KCNH1: variants seen among roughly 807,000 people sequenced by gnomAD.
The protein encoded by KCNH1 is voltage-gated delayed rectifier potassium channel KCNH1.
In KCNH1, 27 loss-of-function variants were observed where a neutral mutation model predicts 69.2. The observed-to-expected ratio is 0.39, with a 90% confidence interval of 0.29 to 0.54. The LOEUF (loss-of-function observed/expected upper bound fraction) is 0.54. KCNH1 is among the 20% of genes least tolerant of loss of function. KCNH1 has a pLI of 0.68. For synonymous variants in KCNH1, 456 were observed against 487.7 expected, an observed-to-expected ratio of 0.93 and a Z score of 0.86; for missense variants, 798 against 1,261.6, an observed-to-expected ratio of 0.63 and a Z score of 5.57.
chr1:211,078,635 T>G (rs1172173162), intron 5 of KCNH1, among the ~76,000 whole-genome samples: 30 of 152,050 alleles, frequency 2.0e-4, no homozygotes, highest in Non-Finnish European at 8.8e-5. Context: ...AGAGGGAAAT[T>G]TATAGCACTA....
chr1:210,708,512 A>C (rs1185100890), intron 10 of KCNH1, among the ~76,000 whole-genome samples: 2 of 152,248 alleles, frequency 1.3e-5, no homozygotes, highest in East Asian at 3.9e-4. Flanking sequence ...AACAGATTTT[A>C]TAGTCATAGT....
At chr1:211,044,829 T>A (rs1294056548) in intron 5 of KCNH1, among the ~76,000 whole-genome samples, 1 of 151,912 alleles carries the variant, frequency 6.6e-6, no homozygotes, top group African/African-American at 2.4e-5. Context: ...ACAACCACCA[T>A]GGAAAACAGT....
chr1:210,692,555 C>T (rs2149005926), intron 10 of KCNH1, among the ~76,000 whole-genome samples: 1 of 152,232 alleles, frequency 6.6e-6, no homozygotes, highest in East Asian at 1.9e-4. Flanking sequence ...AGAAGGTGGC[C>T]TTATTTGGAA....
chr1:210,800,150 A>G (rs1292187063), intron 8 of KCNH1, among the ~76,000 whole-genome samples: 1 of 152,222 alleles, frequency 6.6e-6, no homozygotes, highest in East Asian at 1.9e-4. Flanking sequence ...CCATCAAGCG[A>G]GCATGCCCTC....
intron 10 of KCNH1, among the ~76,000 whole-genome samples, chr1:210,731,101 T>C (rs1682738231): frequency 6.6e-6 from 1 of 152,246 alleles, no homozygotes; most frequent in Non-Finnish European, 1.5e-5. Flanking sequence ...CTCCCCACTC[T>C]GTTATTTCCT....
intron 1 of KCNH1, among the ~76,000 whole-genome samples, chr1:211,119,903 G>A (rs907270841): frequency 2.6e-5 from 4 of 152,018 alleles, no homozygotes; most frequent in African/African-American, 4.8e-5. Flanking sequence ...TCATTTACTG[G>A]GTAGTTACCC....
At chr1:210,794,926 A>G (rs1684277981) in intron 9 of KCNH1, among the ~76,000 whole-genome samples, 1 of 152,176 alleles carries the variant, frequency 6.6e-6, no homozygotes, top group Non-Finnish European at 1.5e-5. Context: ...ATGCTCTTTC[A>G]TATCAGATAT....
intron 1 of KCNH1, among the ~76,000 whole-genome samples, chr1:211,118,389 C>T (rs1161519433): frequency 1.3e-5 from 2 of 152,200 alleles, no homozygotes; most frequent in Non-Finnish European, 2.9e-5. Flanking sequence ...TTCAACCTGG[C>T]TGCCCTTGCC....
chr1:210,916,620 G>A (rs535635407), intron 7 of KCNH1, among the ~76,000 whole-genome samples: 14 of 152,256 alleles, frequency 9.2e-5, no homozygotes, highest in African/African-American at 3.1e-4. Context: ...CCAGTCCCAG[G>A]TTCTTGGGAA....
chr1:210,725,412 A>G (rs1212462724), intron 10 of KCNH1, among the ~76,000 whole-genome samples: 1 of 152,194 alleles, frequency 6.6e-6, no homozygotes, highest in African/African-American at 2.4e-5. Flanking sequence ...ACACCAAGTA[A>G]TGTCCAGACT....
intron 7 of KCNH1, chr1:210,861,911 A>G (rs1024425406): frequency 2.6e-6 from 2 of 769,972 alleles, no homozygotes; most frequent in Non-Finnish European, 4.8e-6. Flanking sequence ...ATGGCAGTCC[A>G]GCAGCTTGGA....
chr1:210,886,645 C>G (rs1157096633), intron 7 of KCNH1, among the ~76,000 whole-genome samples: 1 of 151,662 alleles, frequency 6.6e-6, no homozygotes, highest in Non-Finnish European at 1.5e-5. Context: ...AGCTAAGAAC[C>G]TTGAAAAAAA....
chr1:211,114,967 T>G (rs937859912), intron 1 of KCNH1, among the ~76,000 whole-genome samples: 5 of 152,034 alleles, frequency 3.3e-5, no homozygotes, highest in African/African-American at 1.2e-4. Context: ...TTTGTTTGTT[T>G]TTTGTTTTTT....
intron 6 of KCNH1, among the ~76,000 whole-genome samples, chr1:210,959,913 C>A (rs558757308): frequency 6.6e-6 from 1 of 152,184 alleles, no homozygotes; most frequent in African/African-American, 2.4e-5. Context: ...ATGGGCTATA[C>A]CCACTGTCCA....
chr1:210,709,477 T>G lies in KCNH1; in HGVS notation c.2113-25339A>C, dbSNP rs139141607. The stretch of plus-strand genomic sequence containing the variant: ...TCTAGCCTCCAGAACTGTGAGACAA[T>G]ACATTTCTGTTATTTAAGCTGCTCA... On this transcript the variant is annotated intron_variant, in intron 10 of 10. Transcript: ENST00000271751. 5.6e-4 allele frequency among the ~76,000 whole-genome samples: 86 copies of G among 152,280 alleles called. 1 individual carries two copies. Among genetic ancestry groups the G allele is most frequent in the East Asian group, 4.4e-3 (23 of 5,170 alleles).
chr1:210,709,077 C>T (rs1235235336), intron 10 of KCNH1, among the ~76,000 whole-genome samples: 1 of 152,116 alleles, frequency 6.6e-6, no homozygotes, highest in Non-Finnish European at 1.5e-5. Context: ...ATGGTGAAAC[C>T]CCACCTCTAC....
At chr1:210,779,506 C>T (rs1422454115) in intron 9 of KCNH1, among the ~76,000 whole-genome samples, 1 of 152,170 alleles carries the variant, frequency 6.6e-6, no homozygotes, top group African/African-American at 2.4e-5. Context: ...AAATCAGAAG[C>T]CCGGACAAGC....
intron 7 of KCNH1, among the ~76,000 whole-genome samples, chr1:210,884,862 A>G (rs1686569516): frequency 6.6e-6 from 1 of 152,228 alleles, no homozygotes; most frequent in Admixed American, 6.5e-5. Context: ...TCCCTTCTGG[A>G]GGAGACACCA....
chr1:210,923,101 T>G (rs1418457275), intron 6 of KCNH1, among the ~76,000 whole-genome samples: 1 of 152,246 alleles, frequency 6.6e-6, no homozygotes, highest in Non-Finnish European at 1.5e-5. Flanking sequence ...TGTTCACTAT[T>G]GTATCTCCAC....
Sources: gnomAD v4.1 joint callset for allele counts (sites outside exome capture counted in the v4.1 genomes callset) on GRCh38, gnomAD v4.1.1 for gene constraint, MANE v1.5 for transcripts, NCBI Gene and HGNC (gene_info 2026-07-23, HGNC 2026-07-21) for gene names.